UNK: variants seen among roughly 807,000 people sequenced by gnomAD.
UNK encodes unk zinc finger.
In UNK, 32 loss-of-function variants were observed where a neutral mutation model predicts 97.6. That is an observed-to-expected ratio of 0.33 (90% CI 0.25 to 0.44). UNK has a LOEUF of 0.44. UNK is among the 20% of genes least tolerant of loss of function. The pLI is 1.00. For synonymous variants in UNK, 441 were observed against 461.2 expected (o/e 0.96, Z 0.56); for missense variants, 771 against 1,098.4 (o/e 0.70, Z 4.21).
intron 1 of UNK, among the ~76,000 whole-genome samples, chr17:75,805,179 C>CAA (rs36025200): frequency 1.7e-5 from 2 of 114,826 alleles, no homozygotes; most frequent in Non-Finnish European, 3.8e-5. Context: ...GACTCCATCT[C>CAA]AAAAAAAAAA....
rs754144741 is a variant in UNK at position 75,818,728 on chromosome 17, T to C, written c.1458T>C (p.Pro486=). ...CCTCCAGCCTGGCAGCTACCCCCCCTAGCCCAGTGGGCACCAGCAGCGTCC... is the reference window on the plus strand; with the variant it reads ...CCTCCAGCCTGGCAGCTACCCCCCCCAGCCCAGTGGGCACCAGCAGCGTCC... The part of the protein sequence containing the change: ...SITSSLAATP[P]SPVGTSSVPG... Residue 486 remains proline, a synonymous_variant, in exon 11 of 16, where the codon CCT becomes CCC. Transcript: ENST00000589666. This position sits in a 1 kb window ranked among gnomAD's most constrained non-coding sequence, Gnocchi z 5.1. The C allele has an allele frequency of 3.1e-6, 5 of 1,613,074 alleles. No homozygotes were observed. In the Admixed American group the frequency reaches 6.7e-5, roughly 22 times the overall value.
At chr17:75,796,437 G>C (rs1288507440) in intron 1 of UNK, among the ~76,000 whole-genome samples, 1 of 151,466 alleles carries the variant, frequency 6.6e-6, no homozygotes, top group African/African-American at 2.4e-5. Flanking sequence ...TCTCACTTCA[G>C]CCTCCTGAGT....
chr17:75,802,587 C>G (rs529137544), intron 1 of UNK, among the ~76,000 whole-genome samples: 9 of 152,112 alleles, frequency 5.9e-5, no homozygotes, highest in African/African-American at 1.9e-4. Flanking sequence ...AATTTCTTCA[C>G]AAGAATTAAA....
intron 1 of UNK, among the ~76,000 whole-genome samples, chr17:75,800,190 T>C (rs1198749577): frequency 1.3e-5 from 2 of 152,064 alleles, no homozygotes; most frequent in Non-Finnish European, 2.9e-5. Context: ...TGCCTCAGCC[T>C]CCTGAGTAGC....
At chr17:75,786,551 C>T (rs897359341) in intron 1 of UNK, among the ~76,000 whole-genome samples, 3 of 152,146 alleles carry the variant, frequency 2.0e-5, no homozygotes, top group Admixed American at 6.6e-5. Flanking sequence ...TCTTGATGCT[C>T]ATTTGTTTAA....
intron 1 of UNK, among the ~76,000 whole-genome samples, chr17:75,800,466 C>T (rs1397127074): frequency 2.6e-5 from 4 of 151,030 alleles, no homozygotes; most frequent in Non-Finnish European, 2.9e-5. Context: ...GGGCTGGGCG[C>T]GGTGGCTCAT....
intron 1 of UNK, among the ~76,000 whole-genome samples, chr17:75,787,645 G>A (rs1255281645): frequency 6.6e-6 from 1 of 151,634 alleles, no homozygotes; most frequent in African/African-American, 2.4e-5. Context: ...GGCCAACATG[G>A]AAACCCCGTC....
At chr17:75,815,352 C>T (rs2062007705) in intron 7 of UNK, 99 bp downstream of exon 7, 1 of 1,141,100 alleles carries the variant, frequency 8.8e-7, no homozygotes, top group Non-Finnish European at 1.3e-6. Flanking sequence ...GCAGTATGCC[C>T]TGCACAGGAG....
At position 75,824,520 on chromosome 17, in the gene UNK, A is replaced by ATGTATG. The variant is rs140311266; in HGVS notation, c.*104_*105insGTATGT. On this transcript the variant is annotated 3_prime_UTR_variant, in exon 16 of 16. Transcript: ENST00000589666. This position sits in a 1 kb window ranked among gnomAD's most constrained non-coding sequence, Gnocchi z 4.9. Reference sequence around the variant, plus strand: ...TATATATATGTGTATGTATGTATGTATATGTATATGATTATGTATATGTAT... The same window carrying ATGTATG: ...TATATATATGTGTATGTATGTATGTATGTATGTATGTATATGATTATGTATATGTAT... 160 of 855,568 alleles carry ATGTATG rather than the reference A, an allele frequency of 1.9e-4. No homozygotes were observed. The highest frequency in any genetic ancestry group is 2.3e-4 in the Non-Finnish European group (154 of 664,932). 53.0% of individuals were successfully genotyped at this position (855,568 alleles called of 1,614,324 possible).
At chr17:75,810,503 C>T (rs770326620) in intron 2 of UNK, among the ~76,000 whole-genome samples, 6 of 152,122 alleles carry the variant, frequency 3.9e-5, no homozygotes, top group Admixed American at 1.3e-4. Flanking sequence ...GGAGTGTCAC[C>T]GACGGAACAT....
In UNK at chr17:75,816,753, G is replaced by C; in HGVS notation, c.962-17G>C. 6.3e-7 allele frequency: 1 copy of C among 1,592,534 alleles called. No homozygotes were observed. The highest frequency in any genetic ancestry group is 1.1e-5 in the South Asian group (1 of 90,408). ...AGCTGGCTGGGGCCTGCTGACCCCTGCCCCTGACTCTTGCAGAGCCACCCC... is the reference window on the plus strand; with the variant it reads ...AGCTGGCTGGGGCCTGCTGACCCCTCCCCCTGACTCTTGCAGAGCCACCCC... On this transcript the variant is annotated splice_polypyrimidine_tract_variant and intron_variant, in intron 7 of 15. Transcript: ENST00000589666. The surrounding 1 kb of genome is among the most constrained non-coding windows in gnomAD (Gnocchi z 4.0).
At chr17:75,797,610 G>A (rs2061818601) in intron 1 of UNK, among the ~76,000 whole-genome samples, 1 of 152,210 alleles carries the variant, frequency 6.6e-6, no homozygotes, top group African/African-American at 2.4e-5. Flanking sequence ...AGCTTATTAG[G>A]GATATGGGCA....
intron 7 of UNK, among the ~76,000 whole-genome samples, chr17:75,815,787 G>A (rs1413868362): frequency 4.6e-5 from 7 of 151,568 alleles, no homozygotes; most frequent in Admixed American, 3.9e-4. Context: ...TCGGGAGGCT[G>A]AGGCATGAGA....
intron 1 of UNK, 117 bp from the exon 2 acceptor site, chr17:75,809,643 G>C (rs2061950341): frequency 3.6e-6 from 4 of 1,118,392 alleles, no homozygotes. Context: ...TGGTGTTCCA[G>C]TGGAACTAGC....
Position 75,784,898 on chromosome 17 carries a change from GC to G in UNK, c.21del (p.Gly8AlafsTer30). On this transcript the variant is annotated frameshift_variant, in exon 1 of 16. Coordinates refer to ENST00000589666, the MANE Select transcript of UNK (RefSeq NM_001080419.3). LOFTEE classifies it high-confidence loss of function. MSKGPGPGGSAASSAPP... is the reference protein window; with the variant it reads MSKGPGXGGSAASSAPP... ...ACAAGACCATGTCGAAGGGCCCCGG[GC>G]CCGGCGGCTCCGCAGCTTCCTCGGC... 1 of 1,581,270 alleles carries G rather than the reference GC, an allele frequency of 6.3e-7. No individual in the cohort carries two copies. Among genetic ancestry groups the G allele is most frequent in the Non-Finnish European group, 8.6e-7 (1 of 1,166,664 alleles).
rs2143786516 is a variant in UNK at position 75,813,151 on chromosome 17, T to C, written c.696T>C (p.Tyr232=). The C allele has an allele frequency of 9.4e-6, 15 of 1,591,844 alleles. No homozygotes were observed. The highest frequency in any genetic ancestry group is 1.3e-5 in the Non-Finnish European group (15 of 1,169,510). The change falls in exon 5 of 16, where the codon TAT becomes TAC. Residue 232 remains tyrosine, a synonymous_variant. Transcript: ENST00000589666. The part of the protein sequence containing the change: ...KKPPRLCRQG[Y]ACPYYHNSKD... Reference sequence around the variant, plus strand: ...CCCCGCGGCTGTGCCGCCAAGGCTATGCCTGTCCCTACTACCACAACAGCA... The same window carrying C: ...CCCCGCGGCTGTGCCGCCAAGGCTACGCCTGTCCCTACTACCACAACAGCA...
chr17:75,812,950 C>A (rs2061983745), intron 4 of UNK, 128 bp from the exon 5 acceptor site: 1 of 1,342,112 alleles, frequency 7.5e-7, no homozygotes, highest in Admixed American at 2.8e-5. Context: ...GCCCTACTCA[C>A]ATCTGGCAGG....
At chr17:75,794,090 A>G (rs938390308) in intron 1 of UNK, 1 of 984,528 alleles carries the variant, frequency 1.0e-6, no homozygotes, top group African/African-American at 1.7e-5. Flanking sequence ...TGGTACTTGT[A>G]TTTCCTGATT....
chr17:75,811,652 T>C (rs1345171437), intron 2 of UNK, among the ~76,000 whole-genome samples: 3 of 152,208 alleles, frequency 2.0e-5, no homozygotes, highest in Admixed American at 1.3e-4. Flanking sequence ...CATCATTGCC[T>C]TCTTCCTAGT....
Sources: allele counts gnomAD v4.1 joint callset (sites outside exome capture counted in the v4.1 genomes callset), GRCh38; gene constraint gnomAD v4.1.1; non-coding constraint Gnocchi (gnomAD v3.1); transcripts MANE v1.5; gene names NCBI Gene and HGNC (gene_info 2026-07-23, HGNC 2026-07-21).